The following CEP112 variants were observed in gnomAD, a reference collection of about 807,000 sequenced individuals.
CEP112 encodes the protein centrosomal protein 112.
In CEP112, 127 loss-of-function variants were observed where a neutral mutation model predicts 153.0. The observed-to-expected ratio is 0.83, with a 90% CI of 0.72 to 0.96. The LOEUF is 0.96. CEP112 is among the 40% of genes least tolerant of loss of function. The pLI, the probability that CEP112 is intolerant of heterozygous loss-of-function variation, is 0.00. For synonymous variants in CEP112, 358 were observed against 374.4 expected, an observed-to-expected ratio of 0.96 and a Z score of 0.51; for missense variants, 1,089 against 1,101.2, an observed-to-expected ratio of 0.99 and a Z score of 0.16.
intron 8 of CEP112, among the ~76,000 whole-genome samples, chr17:66,071,092 T>G (rs2067293631): frequency 6.6e-6 from 1 of 152,170 alleles, no homozygotes; most frequent in African/African-American, 2.4e-5. Context: ...TTCTTGAAAA[T>G]TTTTGAAATA....
At chr17:66,065,662 C>G (rs1329749036) in intron 10 of CEP112, among the ~76,000 whole-genome samples, 1 of 145,652 alleles carries the variant, frequency 6.9e-6, no homozygotes, top group Non-Finnish European at 1.5e-5. Flanking sequence ...CGGAGTCTTG[C>G]TCTGTTGCCC....
At chr17:65,690,619 G>A (rs1437190214) in intron 23 of CEP112, among the ~76,000 whole-genome samples, 2 of 152,018 alleles carry the variant, frequency 1.3e-5, no homozygotes, top group African/African-American at 4.8e-5. Flanking sequence ...GGTCCAAGAA[G>A]GCCCAGCTGG....
At chr17:66,035,434 C>G (rs995470048) in intron 12 of CEP112, among the ~76,000 whole-genome samples, 5 of 152,032 alleles carry the variant, frequency 3.3e-5, no homozygotes, top group African/African-American at 1.2e-4. Context: ...CCTTCAGGTT[C>G]CAACAGAAAA....
intron 23 of CEP112, among the ~76,000 whole-genome samples, chr17:65,710,724 T>C (rs2049135193): frequency 6.6e-6 from 1 of 152,214 alleles, no homozygotes. Context: ...TTAAGGCTCG[T>C]GGCAGGCTGG....
chr17:65,927,544 T>C (rs1360992023), intron 19 of CEP112, 38 bp downstream of exon 19: 3 of 1,144,720 alleles, frequency 2.6e-6, no homozygotes, highest in Non-Finnish European at 3.9e-6. Context: ...TATATGTATT[T>C]TAAAAATTTA....
At chr17:65,833,331 CCACTG>C (rs2057166691) in intron 21 of CEP112, among the ~76,000 whole-genome samples, 1 of 152,062 alleles carries the variant, frequency 6.6e-6, no homozygotes, top group African/African-American at 2.4e-5. Context: ...CTCCTATTCA[CCACTG>C]TATTGGAAGT....
At chr17:65,818,651 G>A (rs1464091228) in intron 21 of CEP112, among the ~76,000 whole-genome samples, 2 of 151,782 alleles carry the variant, frequency 1.3e-5, no homozygotes, top group Non-Finnish European at 3.0e-5. Context: ...CCCTTAGATG[G>A]TCTGAGACTA....
At chr17:65,724,549 TCA>T (rs2050068993) in intron 23 of CEP112, among the ~76,000 whole-genome samples, 1 of 152,230 alleles carries the variant, frequency 6.6e-6, no homozygotes, top group South Asian at 2.1e-4. Context: ...CACTTTTCTC[TCA>T]GTAGCATATA....
At chr17:66,173,331 T>C (rs577514518) in intron 4 of CEP112, among the ~76,000 whole-genome samples, 61 of 152,322 alleles carry the variant, frequency 4.0e-4, no homozygotes, top group African/African-American at 1.3e-3. Context: ...TGTCCAGTTT[T>C]AAAGAGAAGC....
intron 16 of CEP112, among the ~76,000 whole-genome samples, chr17:66,014,289 G>A (rs567173256): frequency 4.6e-5 from 7 of 152,280 alleles, no homozygotes; most frequent in African/African-American, 1.7e-4. Flanking sequence ...CAGCACAGGA[G>A]CTATGATGAG....
chr17:65,881,490 T>C (rs2059072473), intron 20 of CEP112, among the ~76,000 whole-genome samples: 1 of 152,090 alleles, frequency 6.6e-6, no homozygotes, highest in Admixed American at 6.5e-5. Context: ...CAAACAACCA[T>C]CTTATTATTT....
intron 19 of CEP112, among the ~76,000 whole-genome samples, chr17:65,909,595 G>A (rs796972971): frequency 6.6e-6 from 1 of 152,164 alleles, no homozygotes; most frequent in South Asian, 2.1e-4. Context: ...AGAAACCAAT[G>A]CCTCATACTG....
At chr17:65,778,709 G>C (rs2053831806) in intron 21 of CEP112, among the ~76,000 whole-genome samples, 1 of 152,212 alleles carries the variant, frequency 6.6e-6, no homozygotes, top group Non-Finnish European at 1.5e-5. Context: ...GGCAGAGGGA[G>C]AGGTGGAAGT....
chr17:66,107,524 A>G (rs2068836692), intron 6 of CEP112, among the ~76,000 whole-genome samples: 1 of 152,156 alleles, frequency 6.6e-6, no homozygotes, highest in Non-Finnish European at 1.5e-5. Flanking sequence ...AAAGAAATCA[A>G]CAAATTAATT....
chr17:66,063,999 C>A (rs1260366540), intron 10 of CEP112, among the ~76,000 whole-genome samples: 2 of 152,086 alleles, frequency 1.3e-5, no homozygotes, highest in Non-Finnish European at 2.9e-5. Flanking sequence ...CTTTATGAAC[C>A]AGTCATAAAG....
intron 23 of CEP112, among the ~76,000 whole-genome samples, chr17:65,738,605 G>A (rs756140293): frequency 2.6e-5 from 4 of 151,920 alleles, no homozygotes; most frequent in Non-Finnish European, 5.9e-5. Context: ...ATAGGATTTG[G>A]GGTGACTTTA....
chr17:66,011,907 A>G (rs12450675), intron 16 of CEP112, among the ~76,000 whole-genome samples: 62,478 of 152,006 alleles, frequency 0.41, 14,304 homozygotes, highest in East Asian at 0.87. Flanking sequence ...GTGCTCCTGT[A>G]TTGGGTGCAT....
At chr17:65,988,913 G>C (rs1159257159) in intron 17 of CEP112, among the ~76,000 whole-genome samples, 2 of 151,962 alleles carry the variant, frequency 1.3e-5, no homozygotes, top group African/African-American at 4.8e-5. Context: ...TAAATGTCCA[G>C]GTACAAGAAG....
At chr17:66,127,438 CT>C (rs2069899794) in intron 6 of CEP112, among the ~76,000 whole-genome samples, 1 of 152,204 alleles carries the variant, frequency 6.6e-6, no homozygotes, top group African/African-American at 2.4e-5. Context: ...TCCCCTGCAC[CT>C]TAAAACATGA....
Sources: allele counts gnomAD v4.1 joint callset (sites outside exome capture counted in the v4.1 genomes callset), GRCh38; gene constraint gnomAD v4.1.1; transcripts MANE v1.5; gene names NCBI Gene and HGNC (gene_info 2026-07-23, HGNC 2026-07-21).